Variants in TIMM44 observed in about 807,000 individuals in gnomAD.
TIMM44 encodes mitochondrial import inner membrane translocase subunit TIM44.
A neutral mutation model predicts 63.8 loss-of-function variants in TIMM44; 37 were observed. That is an observed-to-expected ratio of 0.58 (90% CI 0.45 to 0.76). TIMM44 has a LOEUF of 0.76. Ranked by LOEUF, TIMM44 falls within the 30% of genes least tolerant of loss-of-function variation. TIMM44 has a pLI of 0.00. For missense variants in TIMM44, 573 were observed against 603.8 expected (o/e 0.95, Z 0.54); for synonymous variants, 239 against 245.1 (o/e 0.98, Z 0.23).
At chr19:7,931,412 C>A in intron 9 of TIMM44, 2 of 562,772 alleles carry the variant, frequency 3.6e-6, no homozygotes, top group South Asian at 2.0e-5. Context: ...CGGAGGGCGG[C>A]CTGCGGGCGA....
chr19:7,927,856 G>A (rs1983859398), intron 11 of TIMM44, 89 bp from the exon 12 acceptor site: 1 of 1,386,022 alleles, frequency 7.2e-7, no homozygotes, highest in Non-Finnish European at 1.0e-6. Flanking sequence ...GGCCCTGCTA[G>A]GAGAAGGCTC....
chr19:7,936,178 C>T (rs898904630), intron 3 of TIMM44, among the ~76,000 whole-genome samples: 4 of 152,082 alleles, frequency 2.6e-5, no homozygotes, highest in African/African-American at 9.7e-5. Context: ...AGGCTGGGCA[C>T]GGTGGCTCAT....
At chr19:7,932,330 A>G (rs1984008602) in intron 9 of TIMM44, 3 of 467,078 alleles carry the variant, frequency 6.4e-6, no homozygotes, top group South Asian at 2.3e-5. Flanking sequence ...CACCTGAGAC[A>G]ATCCCTAGCC....
chr19:7,928,246 C>T lies in TIMM44; in HGVS notation c.1039-80G>A, dbSNP rs573130736. ...CACACAGAGCTGCTGCCCACACACC[C>T]TGGCGCCCAGGTGCCCTGCCGCCAG... On this transcript the variant is annotated intron_variant, in intron 10 of 12. Transcript: ENST00000270538. 3.3e-4 allele frequency: 424 copies of T among 1,282,496 alleles called. 1 individual carries two copies. In the African/African-American group the frequency reaches 5.3e-3, roughly 16 times the overall value. 79.4% of individuals were successfully genotyped at this position (1,282,496 alleles called of 1,614,324 possible).
chr19:7,931,279 T>G (rs1599647135), intron 9 of TIMM44, 91 bp from the exon 10 acceptor site: 1 of 1,252,618 alleles, frequency 8.0e-7, no homozygotes, highest in Non-Finnish European at 1.2e-6. Context: ...TGGTGCGGGG[T>G]GGGGAGTTTC....
At position 7,933,666 on chromosome 19, in the gene TIMM44, C is replaced by T. The variant is rs1420223077; in HGVS notation, c.684-96G>A. On this transcript the variant is annotated intron_variant, in intron 6 of 12. Transcript: ENST00000270538. The surrounding 1 kb of genome is among the most constrained non-coding windows in gnomAD (Gnocchi z 4.3). ...GCAGGGGGCAGTACAGGACAGCAGG[C>T]AGCTGAGACCTCAAACCTAGGGGCT... 4.6e-6 allele frequency: 6 copies of T among 1,311,822 alleles called. No individual in the cohort carries two copies. The highest frequency in any genetic ancestry group is 6.6e-6 in the Non-Finnish European group (6 of 910,028). 81.3% of individuals were successfully genotyped at this position (1,311,822 alleles called of 1,614,324 possible).
Position 7,934,319 on chromosome 19 carries a change from CGG to C in TIMM44, c.394-83_394-82del. 3.2e-6 allele frequency: 5 copies of C among 1,570,122 alleles called. No individual in the cohort carries two copies. The highest frequency in any genetic ancestry group is 4.3e-6 in the Non-Finnish European group (5 of 1,153,356). ...CGGGGCAGGAGGAATGAATTCCTGC[CGG>C]AGAGAAGGGCGGATCTGGTTCCCCG... On this transcript the variant is annotated intron_variant, in intron 4 of 12. Coordinates refer to ENST00000270538, the MANE Select transcript of TIMM44 (RefSeq NM_006351.4). This position sits in a 1 kb window ranked among gnomAD's most constrained non-coding sequence, Gnocchi z 5.3.
At chr19:7,939,790 C>A (rs981574598) in intron 2 of TIMM44, among the ~76,000 whole-genome samples, 1 of 151,886 alleles carries the variant, frequency 6.6e-6, no homozygotes, top group African/African-American at 2.4e-5. Flanking sequence ...GCGGCGCCTG[C>A]CTGTAGTCCC....
chr19:7,929,248 A>AC (rs1229089786), intron 10 of TIMM44, among the ~76,000 whole-genome samples: 5 of 152,264 alleles, frequency 3.3e-5, no homozygotes, highest in African/African-American at 1.2e-4. Flanking sequence ...AGACAGCTAG[A>AC]CCAGACCCCA....
Position 7,943,344 on chromosome 19 carries a change from G to A in TIMM44, c.45+263C>T, listed in dbSNP as rs1984362431. The stretch of plus-strand genomic sequence containing the variant: ...TACCATTCTCTCTCCTGTATACGTG[G>A]AGTCTGATCAGAGGGCGAAGGGTGA... On this transcript the variant is annotated intron_variant, in intron 1 of 12. Transcript: ENST00000270538. The surrounding 1 kb of genome is among the most constrained non-coding windows in gnomAD (Gnocchi z 4.3). Among the ~76,000 whole-genome samples the A allele has an allele frequency of 6.6e-6, 1 of 151,702 alleles. No individual in the cohort carries two copies. The highest frequency in any genetic ancestry group is 2.4e-5 in the African/African-American group (1 of 41,258).
intron 3 of TIMM44, chr19:7,937,749 G>A (rs1437130887): frequency 1.7e-5 from 7 of 407,114 alleles, no homozygotes; most frequent in South Asian, 8.8e-5. Context: ...CCAACGCGGT[G>A]GCTCACGCCT....
rs763893400 is a variant in TIMM44, at chr19:7,934,204, C to T, written c.428G>A (p.Arg143Gln). ...TTCCTCCACGCCCTCCTTGATTTTC[C>T]GGCCGAGATCACTTTTACTGACTTC... is the stretch of plus-strand genomic sequence containing the variant. The part of the protein sequence containing the change: ...LHEVSKSDLG[R>Q]KIKEGVEEAA... Residue 143 changes from arginine (R) to glutamine (Q), a missense_variant, in exon 5 of 13, where the codon CGG (arginine) becomes CAG (glutamine). Coordinates refer to ENST00000270538, the MANE Select transcript of TIMM44 (RefSeq NM_006351.4). This position sits in a 1 kb window ranked among gnomAD's most constrained non-coding sequence, Gnocchi z 5.3. The T allele has an allele frequency of 8.1e-6, 13 of 1,613,140 alleles. No homozygotes were observed. Among genetic ancestry groups the T allele is most frequent in the South Asian group, 5.5e-5 (5 of 91,088 alleles).
intron 10 of TIMM44, chr19:7,928,466 C>T (rs975244835): frequency 3.0e-5 from 13 of 437,824 alleles, no homozygotes; most frequent in South Asian, 5.6e-5. Flanking sequence ...GCTAAGCTGG[C>T]GGCCCCTTGG....
At position 7,933,125 on chromosome 19, in the gene TIMM44, C is replaced by A. The variant is rs1019516616; in HGVS notation, c.770-193G>T. 6.6e-6 allele frequency among the ~76,000 whole-genome samples: 1 copy of A among 152,166 alleles called. No individual in the cohort carries two copies. The highest frequency in any genetic ancestry group is 1.5e-5 in the Non-Finnish European group (1 of 68,018). ...CTGCCTGCCCACCTACCTGGCCAGG[C>A]GCAGAGGCCCCTCAGCTGCGGCCCT... On this transcript the variant is annotated intron_variant, in intron 7 of 12. Transcript: ENST00000270538. The surrounding 1 kb of genome is among the most constrained non-coding windows in gnomAD (Gnocchi z 4.3).
rs1984087468 is a variant in TIMM44 at position 7,934,502 on chromosome 19, A to ACGAGCACACCAG, written c.394-265_394-264insCTGGTGTGCTCG. ...TGAGCACACCGGCACCCCCAGAGCCATGAGCACACCGCCACGGCTTCCGGG... is the reference window on the plus strand; with the variant it reads ...TGAGCACACCGGCACCCCCAGAGCCACGAGCACACCAGTGAGCACACCGCCACGGCTTCCGGG... On this transcript the variant is annotated intron_variant, in intron 4 of 12. Coordinates refer to ENST00000270538, the MANE Select transcript of TIMM44 (RefSeq NM_006351.4). This position sits in a 1 kb window ranked among gnomAD's most constrained non-coding sequence, Gnocchi z 5.3. 5.3e-5 allele frequency among the ~76,000 whole-genome samples: 8 copies of ACGAGCACACCAG among 152,104 alleles called. No homozygotes were observed. Among genetic ancestry groups the ACGAGCACACCAG allele is most frequent in the African/African-American group, 1.9e-4 (8 of 41,500 alleles).
chr19:7,935,018 G>A, intron 4 of TIMM44, 47 bp downstream of exon 4: 1 of 1,559,788 alleles, frequency 6.4e-7, no homozygotes, highest in East Asian at 2.3e-5. Context: ...CAGCGGCCAG[G>A]GGACTTTGAT....
intron 10 of TIMM44, 152 bp downstream of exon 10, chr19:7,930,986 G>A (rs753590718): frequency 1.5e-5 from 10 of 676,712 alleles, no homozygotes; most frequent in Non-Finnish European, 2.6e-5. Context: ...GGGATGTCAG[G>A]CTCTCGGAGG....
rs531131412 is a variant in TIMM44, at chr19:7,938,181, G to A, written c.158C>T (p.Ser53Phe). 4 of 1,613,266 alleles carry A rather than the reference G, an allele frequency of 2.5e-6. No homozygotes were observed. The African/African-American group carries it at 5.3e-5, about 22-fold the overall frequency. The change falls in exon 3 of 13, where the codon TCT becomes TTT. Residue 53 changes from serine (S) to phenylalanine (F), a missense_variant. Transcript: ENST00000270538. ...GGACAGAAAGCCTTTTCTGTTTCCAGAAGAATATGATTTGGACTAGAAAGA... is the reference window on the plus strand; with the variant it reads ...GGACAGAAAGCCTTTTCTGTTTCCAAAAGAATATGATTTGGACTAGAAAGA... The part of the protein sequence containing the change: ...GELPLSKSYS[S>F]GNRKGFLSGL...
chr19:7,937,057 G>A (rs1452312279), intron 3 of TIMM44, among the ~76,000 whole-genome samples: 1 of 151,626 alleles, frequency 6.6e-6, no homozygotes, highest in Non-Finnish European at 1.5e-5. Context: ...AGCCAAAATC[G>A]TACCACTGCA....
Sources: gnomAD v4.1 joint callset for allele counts (sites outside exome capture counted in the v4.1 genomes callset) on GRCh38, gnomAD v4.1.1 for gene constraint, Gnocchi (gnomAD v3.1) non-coding constraint, MANE v1.5 for transcripts, NCBI Gene and HGNC (gene_info 2026-07-23, HGNC 2026-07-21) for gene names.